TNNI1: variants seen among roughly 807,000 people sequenced by gnomAD.
TNNI1 encodes troponin I1, slow skeletal type, also known as troponin I, slow skeletal muscle.
A neutral mutation model predicts 26.7 loss-of-function variants in TNNI1; 14 were observed. The observed-to-expected ratio is 0.52, with a 90% confidence interval of 0.35 to 0.82. The LOEUF (loss-of-function observed/expected upper bound fraction) is 0.82, where lower values mean the gene tolerates loss of function less well. Ranked by LOEUF, TNNI1 falls within the 40% of genes least tolerant of loss-of-function variation. The pLI, the probability that TNNI1 is intolerant of heterozygous loss-of-function variation, is 0.01. For missense variants in TNNI1, 164 were observed against 257.0 expected (o/e 0.64, Z 2.47); for synonymous variants, 79 against 98.2 (o/e 0.80, Z 1.16).
chr1:201,411,462 A>G lies in TNNI1; in HGVS notation c.351T>C (p.Arg117=), dbSNP rs756459606. 6.2e-7 allele frequency: 1 copy of G among 1,613,646 alleles called. No individual in the cohort carries two copies. The highest frequency in any genetic ancestry group is 1.1e-5 in the South Asian group (1 of 90,948). The change falls in exon 7 of 9, where the codon CGT becomes CGC. Residue 117 remains arginine (R), a synonymous_variant. Coordinates refer to ENST00000361379, the MANE Select transcript of TNNI1 (RefSeq NM_003281.4). The surrounding 1 kb of genome is among the most constrained non-coding windows in gnomAD (Gnocchi z 4.6). ...KFKRPPLRRV[R]VSADAMLRAL... is the part of the protein sequence containing the mutation. ...CCCGGAGCATGGCGTCAGCCGAGAC[A>G]CGGACTCGACGCAGGGGCGGGCGCT...
intron 1 of TNNI1, among the ~76,000 whole-genome samples, chr1:201,418,360 C>G (rs1010645472): frequency 6.6e-6 from 1 of 151,058 alleles, no homozygotes; most frequent in Non-Finnish European, 1.5e-5. Flanking sequence ...CCCAGCTACT[C>G]AGGAGGCTGA....
intron 1 of TNNI1, among the ~76,000 whole-genome samples, chr1:201,418,526 C>T: frequency 6.7e-6 from 1 of 149,900 alleles, no homozygotes; most frequent in Non-Finnish European, 1.5e-5. Context: ...CCTTGAAGGA[C>T]AGGCTGAGTT....
chr1:201,410,548 C>T, intron 7 of TNNI1, 113 bp from the exon 8 acceptor site: 1 of 881,076 alleles, frequency 1.1e-6, no homozygotes, highest in Non-Finnish European at 1.8e-6. Flanking sequence ...AATCCTGATG[C>T]CCCTCCCCAG....
At chr1:201,417,640 T>A in intron 2 of TNNI1, 143 bp downstream of exon 2, 1 of 620,990 alleles carries the variant, frequency 1.6e-6, no homozygotes, top group Non-Finnish European at 2.4e-6. Flanking sequence ...GGGGAAACCA[T>A]CAAGTGCTGC....
Position 201,418,796 on chromosome 1 carries a change from G to A in TNNI1, c.-19-984C>T, listed in dbSNP as rs1662800736. On this transcript the variant is annotated intron_variant, in intron 1 of 8. Transcript: ENST00000361379. ...CCTCTCTGGGTTGGTTTTCCTCTCT[G>A]CAAAATTAGGGGTTAAATCAGTGAG... Among the ~76,000 whole-genome samples, 3 of 152,104 alleles carry A rather than the reference G, an allele frequency of 2.0e-5. No individual in the cohort carries two copies. The South Asian group carries it at 6.2e-4, about 31-fold the overall frequency.
At chr1:201,412,541 G>A (rs1662650722) in intron 6 of TNNI1, among the ~76,000 whole-genome samples, 1 of 152,156 alleles carries the variant, frequency 6.6e-6, no homozygotes, top group Non-Finnish European at 1.5e-5. Context: ...CATGCTAAGG[G>A]AGCACAGAGC....
rs1225530998 is a variant in TNNI1, at chr1:201,412,830, G to T, written c.279+202C>A. 2.0e-5 allele frequency among the ~76,000 whole-genome samples: 3 copies of T among 152,228 alleles called. No homozygotes were observed. In the South Asian group the frequency reaches 6.2e-4, roughly 32 times the overall value. ...ATGAGCCCACATGGCAGGTAGGGAG[G>T]AAGTTTGTACTTTTCATGTGTGATT... On this transcript the variant is annotated intron_variant, in intron 6 of 8. Coordinates refer to ENST00000361379, the MANE Select transcript of TNNI1 (RefSeq NM_003281.4).
At chr1:201,415,031 C>G (rs1177691099) in intron 4 of TNNI1, among the ~76,000 whole-genome samples, 182 bp downstream of exon 4, 1 of 152,214 alleles carries the variant, frequency 6.6e-6, no homozygotes, top group African/African-American at 2.4e-5. Context: ...CTCGAGGATC[C>G]CACCTACTGA....
chr1:201,408,988 C>T lies in TNNI1; in HGVS notation c.*265G>A, dbSNP rs563195459. 3 of 152,252 alleles carry T rather than the reference C, an allele frequency of 2.0e-5. No homozygotes were observed. The highest frequency in any genetic ancestry group is 4.4e-5 in the Non-Finnish European group (3 of 68,078). 9.4% of individuals were successfully genotyped at this position (152,252 alleles called of 1,614,324 possible). A position where few individuals can be genotyped will look rare whatever the true frequency, so the allele number is the denominator to read the frequency against. On this transcript the variant is annotated 3_prime_UTR_variant, in exon 9 of 9. Transcript: ENST00000361379. ...CCCCCTCCTCCTCCTCCACTTGTTA[C>T]ACCACGGGGTGGCTGAGAAGCCCCA...
At chr1:201,418,011 C>T (rs1313304881) in intron 1 of TNNI1, among the ~76,000 whole-genome samples, 199 bp from the exon 2 acceptor site, 1 of 150,958 alleles carries the variant, frequency 6.6e-6, no homozygotes, top group Admixed American at 6.6e-5. Flanking sequence ...CCTGACCTGG[C>T]TCCCAGCCTG....
chr1:201,415,310 T>C (rs1662714242), intron 3 of TNNI1, 56 bp from the exon 4 acceptor site: 4 of 1,586,020 alleles, frequency 2.5e-6, no homozygotes, highest in East Asian at 2.2e-5. Context: ...AGAACTGGAA[T>C]TCTGGTCTAG....
At position 201,417,122 on chromosome 1, in the gene TNNI1, T is replaced by A; in HGVS notation, c.12-3A>T. On this transcript the variant is annotated splice_region_variant and splice_polypyrimidine_tract_variant and intron_variant, in intron 2 of 8. Transcript: ENST00000361379. ...TACCCCAAATATCACTTACCTCGCT[T>A]CAGGCATCCATCACAGGAAGGACGG... The A allele has an allele frequency of 6.2e-7, 1 of 1,614,082 alleles. No individual in the cohort carries two copies. Among genetic ancestry groups the A allele is most frequent in the Non-Finnish European group, 8.5e-7 (1 of 1,180,016 alleles).
In TNNI1 at chr1:201,411,562, T is replaced by C. The variant is rs368118381; in HGVS notation, c.280-29A>G. 25 of 1,525,408 alleles carry C rather than the reference T, an allele frequency of 1.6e-5. No homozygotes were observed. Among genetic ancestry groups the C allele is most frequent in the Non-Finnish European group, 1.8e-6 (2 of 1,140,566 alleles). The allele number at this position is 1,525,408 out of a possible 1,614,324, so 94.5% of individuals were successfully genotyped here. On this transcript the variant is annotated intron_variant, in intron 6 of 8. Coordinates refer to ENST00000361379, the MANE Select transcript of TNNI1 (RefSeq NM_003281.4). This position sits in a 1 kb window ranked among gnomAD's most constrained non-coding sequence, Gnocchi z 4.6. ...TAGGTGAGAAGCGCCCGGGGCTCACTGGAGAGGCAGCTAGCCACAGGACAC... is the reference window on the plus strand; with the variant it reads ...TAGGTGAGAAGCGCCCGGGGCTCACCGGAGAGGCAGCTAGCCACAGGACAC...
At chr1:201,417,757 C>T (rs1662776361) in intron 2 of TNNI1, 26 bp downstream of exon 2, 3 of 1,313,624 alleles carry the variant, frequency 2.3e-6, no homozygotes, top group African/African-American at 1.5e-5. Context: ...CTTCCTGGGG[C>T]CCCAGATGGC....
At chr1:201,415,420 G>A (rs16848542) in intron 3 of TNNI1, among the ~76,000 whole-genome samples, 166 bp from the exon 4 acceptor site, 2,359 of 152,308 alleles carry the variant, frequency 0.015, 62 homozygotes, top group African/African-American at 0.054. Flanking sequence ...AACCTCTGCA[G>A]TTCAGAGAAG....
chr1:201,407,803 G>A lies in TNNI1; in HGVS notation c.*1450C>T, dbSNP rs562762290. On this transcript the variant is annotated 3_prime_UTR_variant, in exon 9 of 9. Transcript: ENST00000361379. ...CTCACACCTGTAATCCCAGAACTTT[G>A]GGAGGCCGAGGTGGGCAGATTACGA... 1 of 152,294 alleles carries A rather than the reference G, an allele frequency of 6.6e-6. No homozygotes were observed. The highest frequency in any genetic ancestry group is 2.4e-5 in the African/African-American group (1 of 41,544). 9.4% of individuals were successfully genotyped at this position (152,294 alleles called of 1,614,324 possible).
At chr1:201,413,220 G>T in intron 5 of TNNI1, 99 bp from the exon 6 acceptor site, 1 of 1,347,958 alleles carries the variant, frequency 7.4e-7, no homozygotes, top group Non-Finnish European at 1.1e-6. Flanking sequence ...TGCAAGACCT[G>T]GGATCCAGAG....
intron 3 of TNNI1, among the ~76,000 whole-genome samples, chr1:201,416,079 A>G (rs1336852493): frequency 6.6e-6 from 1 of 152,122 alleles, no homozygotes; most frequent in Non-Finnish European, 1.5e-5. Context: ...ATGTTATTCC[A>G]GGGTGTCAAG....
intron 1 of TNNI1, among the ~76,000 whole-genome samples, chr1:201,419,850 G>A (rs1367217457): frequency 6.6e-6 from 1 of 152,220 alleles, no homozygotes; most frequent in Non-Finnish European, 1.5e-5. Context: ...GGGGCACAGA[G>A]GGAGGGGTAT....
Sources: gnomAD v4.1 joint callset for allele counts (sites outside exome capture counted in the v4.1 genomes callset) on GRCh38, gnomAD v4.1.1 for gene constraint, Gnocchi (gnomAD v3.1) non-coding constraint, MANE v1.5 for transcripts, NCBI Gene and HGNC (gene_info 2026-07-23, HGNC 2026-07-21) for gene names.